Variants in MED15 observed in about 807,000 individuals in gnomAD.
MED15 encodes the protein mediator complex subunit 15.
Under a neutral mutation model 118.7 loss-of-function variants are expected in MED15, and 41 were observed. The ratio of observed to expected loss-of-function variants is 0.35; its 90% confidence interval spans 0.27 to 0.45. The LOEUF (loss-of-function observed/expected upper bound fraction) is 0.45, where lower values mean the gene tolerates loss of function less well. MED15 is among the 20% of genes least tolerant of loss of function. MED15 has a pLI of 1.00. For missense variants in MED15, 740 were observed against 1,025.5 expected, an observed-to-expected ratio of 0.72 and a Z score of 3.80; for synonymous variants, 436 against 413.9, an observed-to-expected ratio of 1.05 and a Z score of -0.65.
At position 20,564,477 on chromosome 22, in the gene MED15, TGCAGCAGCA is replaced by T; in HGVS notation, c.486_494del (p.Gln166_Gln168del). 2.5e-6 allele frequency: 4 copies of T among 1,612,556 alleles called. No individual in the cohort carries two copies. The highest frequency in any genetic ancestry group is 2.5e-6 in the Non-Finnish European group (3 of 1,179,240). On this transcript the variant is annotated inframe_deletion, in exon 6 of 18. Transcript: ENST00000263205. ...CAGCTGCAGCTCCAGCAGGTGGCGC[TGCAGCAGCA>T]GCAGCAACAGCAGCAGTTCCAGCAG...
At chr22:20,582,422 G>C (rs2057014192) in intron 9 of MED15, 189 bp from the exon 10 acceptor site, 3 of 882,498 alleles carry the variant, frequency 3.4e-6, no homozygotes, top group Non-Finnish European at 5.0e-6. Context: ...CCAGCCCCTT[G>C]GTCACCTCAT....
At chr22:20,581,579 G>A (rs1601641884) in intron 9 of MED15, among the ~76,000 whole-genome samples, 1 of 152,134 alleles carries the variant, frequency 6.6e-6, no homozygotes, top group East Asian at 1.9e-4. Context: ...GGGAAATGTA[G>A]CAGGGCCTTC....
intron 2 of MED15, among the ~76,000 whole-genome samples, chr22:20,538,387 C>T (rs2055161741): frequency 6.6e-6 from 1 of 151,982 alleles, no homozygotes; most frequent in South Asian, 2.1e-4. Flanking sequence ...GTAGCTGGGA[C>T]TACAGGCATG....
intron 1 of MED15, chr22:20,523,752 G>C (rs1267202271): frequency 1.0e-6 from 1 of 985,470 alleles, no homozygotes. Flanking sequence ...TGGTTCTTCA[G>C]AAGTCAAACC....
rs145846712 is a variant in MED15 at position 20,586,640 on chromosome 22, C to T, written c.2303C>T (p.Ser768Leu). 2.5e-6 allele frequency: 4 copies of T among 1,612,996 alleles called. No individual in the cohort carries two copies. Among genetic ancestry groups the T allele is most frequent in the East Asian group, 2.2e-5 (1 of 44,878 alleles). Residue 768 changes from serine to leucine, a missense_variant, in exon 18 of 18, where the codon TCG becomes TTG. Physicochemically the swap from Ser to Leu is moderately radical, Grantham distance 145. This residue lies in a region of MED15 where 179 missense variants were observed against 259.0 expected (regional missense o/e 0.69). Transcript: ENST00000263205. ...SRLLQLPDKH[S>L]VTALLNTWAQ... ...CTGCTGCAGCTCCCGGACAAGCACT[C>T]GGTCACCGCCTTGCTCAACACCTGG... is the stretch of plus-strand genomic sequence containing the variant.
At chr22:20,573,689 AT>A (rs2056736637) in intron 8 of MED15, 1 of 152,244 alleles carries the variant, frequency 6.6e-6, no homozygotes, top group Non-Finnish European at 1.5e-5. Flanking sequence ...TCAGCAGTAC[AT>A]TAGACTTAAG....
rs370071750 is a variant in MED15, at chr22:20,569,872, G to T, written c.1152+1241G>T. Among the ~76,000 whole-genome samples the T allele has an allele frequency of 8.5e-5, 13 of 152,152 alleles. No homozygotes were observed. In the East Asian group the frequency reaches 1.2e-3, roughly 14 times the overall value. On this transcript the variant is annotated intron_variant, in intron 8 of 17. Coordinates refer to ENST00000263205, the MANE Select transcript of MED15 (RefSeq NM_001003891.3). ...GTCTCGGCATGTCCTCAGGCCTCGT[G>T]GGGGGGCTCCCTTGTCCTGGTCTCA...
At chr22:20,511,313 C>G (rs1354829388) in intron 1 of MED15, among the ~76,000 whole-genome samples, 1 of 151,682 alleles carries the variant, frequency 6.6e-6, no homozygotes, top group African/African-American at 2.4e-5. Flanking sequence ...AGTTTGAGAC[C>G]AGCCTAGGTA....
Position 20,569,871 on chromosome 22 carries a change from T to G in MED15, c.1152+1240T>G, listed in dbSNP as rs1161959715. ...TGTCTCGGCATGTCCTCAGGCCTCG[T>G]GGGGGGGCTCCCTTGTCCTGGTCTC... is the stretch of plus-strand genomic sequence containing the variant. On this transcript the variant is annotated intron_variant, in intron 8 of 17. Transcript: ENST00000263205. 2.6e-5 allele frequency among the ~76,000 whole-genome samples: 4 copies of G among 152,156 alleles called. No homozygotes were observed. The East Asian group carries it at 5.8e-4, about 22-fold the overall frequency.
intron 1 of MED15, among the ~76,000 whole-genome samples, chr22:20,534,778 A>G (rs1284122799): frequency 6.6e-6 from 1 of 152,138 alleles, no homozygotes; most frequent in Non-Finnish European, 1.5e-5. Context: ...TCGCTTCCCC[A>G]GGACTCTGAC....
chr22:20,527,956 C>CAA (rs763536363), intron 1 of MED15, among the ~76,000 whole-genome samples: 12 of 94,554 alleles, frequency 1.3e-4, no homozygotes, highest in Admixed American at 3.8e-4. Flanking sequence ...GACTCCGTCT[C>CAA]AAAAAAAAAA....
intron 5 of MED15, among the ~76,000 whole-genome samples, chr22:20,561,299 T>A (rs1402241070): frequency 1.3e-5 from 2 of 152,104 alleles, no homozygotes; most frequent in Admixed American, 1.3e-4. Flanking sequence ...GTCAGGCAGA[T>A]CACGAGGTCA....
intron 1 of MED15, among the ~76,000 whole-genome samples, chr22:20,516,913 T>C (rs1008087740): frequency 6.6e-6 from 1 of 152,176 alleles, no homozygotes; most frequent in Admixed American, 6.5e-5. Context: ...TCTTGTCTCA[T>C]GTACTTGACC....
intron 1 of MED15, among the ~76,000 whole-genome samples, chr22:20,521,311 G>A (rs1470693644): frequency 1.3e-5 from 2 of 151,508 alleles, no homozygotes; most frequent in African/African-American, 4.9e-5. Context: ...TGGCCAGGCT[G>A]GTCTCGAACT....
intron 5 of MED15, among the ~76,000 whole-genome samples, chr22:20,562,867 C>T (rs1225843206): frequency 6.6e-6 from 1 of 152,038 alleles, no homozygotes; most frequent in Non-Finnish European, 1.5e-5. Flanking sequence ...GTGAGACTGT[C>T]TCTATAAAAA....
intron 9 of MED15, among the ~76,000 whole-genome samples, chr22:20,581,550 A>C (rs981653408): frequency 6.6e-6 from 1 of 152,062 alleles, no homozygotes; most frequent in Non-Finnish European, 1.5e-5. Flanking sequence ...CTTGGCATGC[A>C]GGGGGTTGAC....
At chr22:20,511,360 C>T (rs1014656501) in intron 1 of MED15, among the ~76,000 whole-genome samples, 3 of 151,764 alleles carry the variant, frequency 2.0e-5, no homozygotes, top group Non-Finnish European at 2.9e-5. Flanking sequence ...GGTGTGGTGG[C>T]GTGCACTCGT....
At chr22:20,567,540 G>C (rs549241224) in intron 7 of MED15, among the ~76,000 whole-genome samples, 26 of 152,332 alleles carry the variant, frequency 1.7e-4, no homozygotes, top group African/African-American at 6.0e-4. Context: ...GGAAGTCTAG[G>C]AGAGTTGTGA....
intron 8 of MED15, among the ~76,000 whole-genome samples, chr22:20,569,375 AG>A (rs2056560259): frequency 6.6e-6 from 1 of 152,114 alleles, no homozygotes; most frequent in Non-Finnish European, 1.5e-5. Flanking sequence ...CTGACTCGGA[AG>A]GGGCGTTGGC....
Sources: allele counts gnomAD v4.1 joint callset (sites outside exome capture counted in the v4.1 genomes callset), GRCh38; gene constraint gnomAD v4.1.1; regional missense constraint gnomAD v4.1.1; transcripts MANE v1.5; gene names NCBI Gene and HGNC (gene_info 2026-07-23, HGNC 2026-07-21).